KLHL13: variants seen among roughly 807,000 people sequenced by gnomAD.
KLHL13 encodes kelch-like protein 13.
KLHL13 carries 10 observed loss-of-function variants against 37.1 expected under a neutral mutation model. That is an observed-to-expected ratio of 0.27 (90% CI 0.17 to 0.46). The LOEUF (loss-of-function observed/expected upper bound fraction) is 0.46, where lower values mean the gene tolerates loss of function less well. Among genes scored for constraint, KLHL13 ranks in the 20% least tolerant of loss-of-function variants. The pLI, the probability that KLHL13 is intolerant of heterozygous loss-of-function variation, is 1.00. For synonymous variants in KLHL13, 163 were observed against 181.2 expected, an observed-to-expected ratio of 0.90 and a Z score of 0.81; for missense variants, 360 against 509.3, an observed-to-expected ratio of 0.71 and a Z score of 2.82.
rs1219760004 is a variant in KLHL13, at chrX:117,917,606, T to A, written c.570+1915A>T. ...AATAAAATTGCTTTAAATACAGTTA[T>A]CTAGAACAAAATTCTTTTCTATTAT... is the stretch of plus-strand genomic sequence containing the variant. On this transcript the variant is annotated intron_variant, in intron 4 of 6. Transcript: ENST00000262820. 2.7e-5 allele frequency among the ~76,000 whole-genome samples: 3 copies of A among 112,416 alleles called. No homozygotes were observed. In the East Asian group the frequency reaches 8.3e-4, roughly 31 times the overall value.
intron 1 of KLHL13, among the ~76,000 whole-genome samples, chrX:118,029,739 C>T (rs994129115): frequency 9.0e-6 from 1 of 111,488 alleles, no homozygotes; most frequent in Non-Finnish European, 1.9e-5. Flanking sequence ...GATGCCAAGG[C>T]GAGCAGATTG....
At chrX:117,928,122 A>C (rs1205373860) in intron 2 of KLHL13, among the ~76,000 whole-genome samples, 6 of 112,196 alleles carry the variant, frequency 5.3e-5, no homozygotes, top group Non-Finnish European at 1.1e-4. Flanking sequence ...CTTCATAATA[A>C]AGGTCAGTTT....
Position 118,098,150 on chromosome X carries a change from G to C in KLHL13, c.-56+18358C>G, listed in dbSNP as rs187401914. On this transcript the variant is annotated intron_variant, in intron 1 of 6. Transcript: ENST00000371882. ...CATCAGAGTGAACAGGCAACCTACA[G>C]AATGGGAGAAAATTTTTGCAACCTA... Among the ~76,000 whole-genome samples the C allele has an allele frequency of 4.5e-4, 50 of 111,634 alleles. 1 individual carries two copies. The highest frequency in any genetic ancestry group is 1.5e-3 in the African/African-American group (47 of 30,648).
At chrX:118,070,707 G>A (rs1459408457) in intron 1 of KLHL13, among the ~76,000 whole-genome samples, 1 of 107,327 alleles carries the variant, frequency 9.3e-6, no homozygotes, top group Non-Finnish European at 1.9e-5. Context: ...CACTCCAATT[G>A]GTAGATTTGT....
At chrX:117,994,992 G>C (rs2053838662) in intron 1 of KLHL13, among the ~76,000 whole-genome samples, 1 of 112,065 alleles carries the variant, frequency 8.9e-6, no homozygotes, top group Non-Finnish European at 1.9e-5. Flanking sequence ...AGGCTGCAAT[G>C]AGCTATGATG....
chrX:117,988,786 A>G (rs1227631343), intron 1 of KLHL13, among the ~76,000 whole-genome samples: 1 of 111,984 alleles, frequency 8.9e-6, no homozygotes, highest in Non-Finnish European at 1.9e-5. Context: ...AATGGAACAA[A>G]ACTTGTGTCC....
chrX:117,955,680 A>G (rs989255271), intron 1 of KLHL13, among the ~76,000 whole-genome samples: 4 of 111,988 alleles, frequency 3.6e-5, no homozygotes, highest in African/African-American at 9.7e-5. Flanking sequence ...CATCACAGAT[A>G]CGTGGCTCAA....
At chrX:117,903,120 C>T (rs1050007791) in intron 5 of KLHL13, among the ~76,000 whole-genome samples, 2 of 100,081 alleles carry the variant, frequency 2.0e-5, no homozygotes, top group African/African-American at 7.6e-5. Context: ...AAAAAAATAA[C>T]ATGGTGACAG....
intron 1 of KLHL13, among the ~76,000 whole-genome samples, chrX:118,114,476 C>G (rs2055446230): frequency 8.9e-6 from 1 of 111,847 alleles, no homozygotes; most frequent in African/African-American, 3.2e-5. Context: ...TAGCAGCAAT[C>G]TTAGCTTAGA....
chrX:117,911,527 C>T (rs922715322), intron 4 of KLHL13, among the ~76,000 whole-genome samples: 1 of 108,443 alleles, frequency 9.2e-6, no homozygotes, highest in African/African-American at 3.4e-5. Flanking sequence ...TTAGGTATTT[C>T]TCCTAATGCT....
At chrX:117,998,831 C>G (rs2053886707) in intron 1 of KLHL13, among the ~76,000 whole-genome samples, 2 of 110,950 alleles carry the variant, frequency 1.8e-5, no homozygotes, top group Non-Finnish European at 3.8e-5. Context: ...GCTGAGCAAG[C>G]ACACAGGGAA....
chrX:118,106,201 G>T (rs28542547), intron 1 of KLHL13, among the ~76,000 whole-genome samples: 1 of 109,014 alleles, frequency 9.2e-6, no homozygotes, highest in Non-Finnish European at 1.9e-5. Flanking sequence ...CCGGCCAAGA[G>T]CTTTTTATAT....
intron 1 of KLHL13, among the ~76,000 whole-genome samples, chrX:118,077,243 T>C (rs745721682): frequency 9.0e-6 from 1 of 111,388 alleles, no homozygotes; most frequent in South Asian, 3.7e-4. Context: ...CAAACATCTA[T>C]ATGAGGCAAT....
At chrX:118,073,309 A>T (rs1457779186) in intron 1 of KLHL13, among the ~76,000 whole-genome samples, 1 of 111,170 alleles carries the variant, frequency 9.0e-6, no homozygotes, top group Non-Finnish European at 1.9e-5. Context: ...CACATCATAC[A>T]TGGATGGCAG....
intron 4 of KLHL13, among the ~76,000 whole-genome samples, chrX:117,913,848 GAA>G (rs1201645166): frequency 1.7e-5 from 1 of 57,377 alleles, no homozygotes; most frequent in Non-Finnish European, 3.5e-5. Context: ...TCAAAAAAAA[GAA>G]AAAAAAAAAA....
intron 1 of KLHL13, among the ~76,000 whole-genome samples, chrX:118,082,704 A>G (rs901469846): frequency 9.0e-6 from 1 of 111,401 alleles, no homozygotes; most frequent in African/African-American, 3.3e-5. Flanking sequence ...CACTTCCCCT[A>G]TGTTTTCTTG....
At chrX:118,096,983 G>A (rs1254441592) in intron 1 of KLHL13, among the ~76,000 whole-genome samples, 1 of 110,966 alleles carries the variant, frequency 9.0e-6, no homozygotes, top group African/African-American at 3.3e-5. Flanking sequence ...TACTGAATGG[G>A]CAAAAACTGG....
At chrX:118,032,541 G>C (rs2054369288) in intron 1 of KLHL13, among the ~76,000 whole-genome samples, 1 of 112,022 alleles carries the variant, frequency 8.9e-6, no homozygotes, top group South Asian at 3.7e-4. Flanking sequence ...CTGTCTGTTA[G>C]AAGGAAAACT....
chrX:117,908,940 A>G (rs1162571597), intron 5 of KLHL13, among the ~76,000 whole-genome samples: 2 of 112,212 alleles, frequency 1.8e-5, no homozygotes, highest in Non-Finnish European at 3.8e-5. Context: ...AAAATATCAT[A>G]TGGCCTTTTA....
Sources: allele counts gnomAD v4.1 joint callset (sites outside exome capture counted in the v4.1 genomes callset), GRCh38; gene constraint gnomAD v4.1.1; transcripts MANE v1.5; gene names NCBI Gene and HGNC (gene_info 2026-07-23, HGNC 2026-07-21).